Variants in DPP6 observed in about 807,000 individuals in gnomAD.
DPP6 encodes the protein A-type potassium channel modulatory protein DPP6.
DPP6 carries 69 observed loss-of-function variants against 122.6 expected under a neutral mutation model. The ratio of observed to expected loss-of-function variants is 0.56; its 90% confidence interval spans 0.46 to 0.69. The LOEUF (loss-of-function observed/expected upper bound fraction) is 0.69, where lower values mean the gene tolerates loss of function less well. Among genes scored for constraint, DPP6 ranks in the 30% least tolerant of loss-of-function variants. The pLI, the probability that DPP6 is intolerant of heterozygous loss-of-function variation, is 0.00. For missense variants in DPP6, 928 were observed against 1,116.9 expected, an observed-to-expected ratio of 0.83 and a Z score of 2.41; for synonymous variants, 418 against 433.1, an observed-to-expected ratio of 0.97 and a Z score of 0.43.
rs569179268 is a variant in DPP6 at position 154,305,490 on chromosome 7, A to G, written c.244-140724A>G. On this transcript the variant is annotated intron_variant, in intron 1 of 25. Transcript: ENST00000377770. ...CCCCGGTGGTGGGAAGCGCCTGGAC[A>G]GACCATGACCACAGCCAAGGAGCCA... 10 of 1,601,284 alleles carry G rather than the reference A, an allele frequency of 6.2e-6. No homozygotes were observed. In the East Asian group the frequency reaches 2.3e-4, roughly 36 times the overall value.
intron 1 of DPP6, among the ~76,000 whole-genome samples, chr7:154,114,593 T>G (rs941113136): frequency 4.6e-5 from 7 of 152,210 alleles, no homozygotes; most frequent in Non-Finnish European, 1.0e-4. Flanking sequence ...CATTGTCTCA[T>G]GCCTTTAACC....
chr7:154,009,502 G>T (rs1446894795), intron 1 of DPP6, among the ~76,000 whole-genome samples: 2 of 150,786 alleles, frequency 1.3e-5, no homozygotes, highest in African/African-American at 4.9e-5. Context: ...TGGCTCCATG[G>T]GAAGGAACCC....
chr7:153,875,218 C>T, the DPP6 span, among the ~76,000 whole-genome samples: 7 of 151,870 alleles, frequency 4.6e-5, no homozygotes, highest in Admixed American at 1.3e-4. Context: ...TTGTCAAGTG[C>T]GGAATGAAAA....
intron 10 of DPP6, among the ~76,000 whole-genome samples, chr7:154,790,331 C>T (rs777845609): frequency 1.6e-4 from 24 of 152,148 alleles, no homozygotes; most frequent in East Asian, 3.9e-4. Context: ...CAGGGCAAGT[C>T]GGCACAAGGG....
chr7:154,463,753 GA>G (rs199667051), intron 2 of DPP6, among the ~76,000 whole-genome samples: 17,660 of 152,060 alleles, frequency 0.12, 1,265 homozygotes, highest in Admixed American at 0.23. Flanking sequence ...TGTCATCCCA[GA>G]GCTAGGACCT....
intron 5 of DPP6, among the ~76,000 whole-genome samples, chr7:154,584,746 G>T (rs1832322634): frequency 6.6e-6 from 1 of 152,114 alleles, no homozygotes; most frequent in African/African-American, 2.4e-5. Flanking sequence ...GGGCTTTATT[G>T]TTATAAATAT....
In DPP6 at chr7:154,708,657, C is replaced by T. The variant is rs904370679; in HGVS notation, c.763-19110C>T. On this transcript the variant is annotated intron_variant, in intron 7 of 25. Transcript: ENST00000377770. ...AGATGCACACAATAGTATTTTATTACGATAAAAAAACCAAAAGACTGTATG... is the reference window on the plus strand; with the variant it reads ...AGATGCACACAATAGTATTTTATTATGATAAAAAAACCAAAAGACTGTATG... Among the ~76,000 whole-genome samples the T allele has an allele frequency of 1.3e-4, 19 of 151,756 alleles. 1 individual carries two copies. The highest frequency in any genetic ancestry group is 6.2e-4 in the South Asian group (3 of 4,808).
the DPP6 span, among the ~76,000 whole-genome samples, chr7:153,829,854 C>T: frequency 6.6e-6 from 1 of 152,160 alleles, no homozygotes; most frequent in Admixed American, 6.5e-5. Context: ...TTACCTGCAA[C>T]CTTAGGCATA....
rs1805386953 is a variant in DPP6, at chr7:154,097,187, C to T, written c.243+44124C>T. Among the ~76,000 whole-genome samples, 5 of 152,300 alleles carry T rather than the reference C, an allele frequency of 3.3e-5. No individual in the cohort carries two copies. The South Asian group carries it at 1.0e-3, about 32-fold the overall frequency. ...TAGCCTGGGTGTACCTGGAACCAGC[C>T]AATTGCATATCCACAGTCAGGCGGC... On this transcript the variant is annotated intron_variant, in intron 1 of 25. Transcript: ENST00000377770.
At chr7:154,701,131 G>C (rs1840501270) in intron 7 of DPP6, among the ~76,000 whole-genome samples, 1 of 152,134 alleles carries the variant, frequency 6.6e-6, no homozygotes, top group Non-Finnish European at 1.5e-5. Context: ...GATCCTCCTG[G>C]AGTTCCCAGG....
intron 1 of DPP6, among the ~76,000 whole-genome samples, chr7:154,267,524 A>T (rs1186803959): frequency 2.0e-5 from 3 of 149,714 alleles, no homozygotes; most frequent in Non-Finnish European, 4.4e-5. Flanking sequence ...ATACTTATAT[A>T]TGCGTGTACA....
At chr7:154,748,296 A>G (rs969775548) in intron 8 of DPP6, among the ~76,000 whole-genome samples, 2 of 152,196 alleles carry the variant, frequency 1.3e-5, no homozygotes, top group African/African-American at 2.4e-5. Flanking sequence ...AGTAACAGCT[A>G]TAGAATGTCT....
At chr7:154,019,031 T>A (rs938251977) in intron 1 of DPP6, among the ~76,000 whole-genome samples, 2 of 152,184 alleles carry the variant, frequency 1.3e-5, no homozygotes, top group Non-Finnish European at 2.9e-5. Context: ...TTAAAATGAT[T>A]CTACACACAA....
chr7:154,136,372 T>C (rs1470966052), intron 1 of DPP6, among the ~76,000 whole-genome samples: 1 of 152,210 alleles, frequency 6.6e-6, no homozygotes. Context: ...GTATTACAGT[T>C]GGGCTTCCTC....
intron 1 of DPP6, among the ~76,000 whole-genome samples, chr7:153,933,799 T>C (rs1348218638): frequency 6.6e-6 from 1 of 152,178 alleles, no homozygotes; most frequent in African/African-American, 2.4e-5. Flanking sequence ...TCCCTAGCCA[T>C]GTCCTGTGCA....
chr7:154,491,769 C>T (rs942595592), intron 3 of DPP6, among the ~76,000 whole-genome samples: 1 of 152,198 alleles, frequency 6.6e-6, no homozygotes, highest in African/African-American at 2.4e-5. Flanking sequence ...ATCATGCCCC[C>T]AGCATACGAA....
At chr7:153,808,966 C>A in the DPP6 span, among the ~76,000 whole-genome samples, 2 of 151,824 alleles carry the variant, frequency 1.3e-5, no homozygotes, top group African/African-American at 4.9e-5. Context: ...TTTTGTGGAA[C>A]CTCCATACTA....
At chr7:153,937,878 C>T (rs1330689808) in intron 1 of DPP6, among the ~76,000 whole-genome samples, 2 of 152,130 alleles carry the variant, frequency 1.3e-5, no homozygotes, top group Non-Finnish European at 2.9e-5. Flanking sequence ...CACTGCATCA[C>T]GTGAAGCAAG....
the DPP6 span, among the ~76,000 whole-genome samples, chr7:153,789,150 G>A: frequency 6.6e-6 from 1 of 152,062 alleles, no homozygotes; most frequent in African/African-American, 2.4e-5. Flanking sequence ...ATGATGTTGT[G>A]TCCAAAATTT....
Sources: gnomAD v4.1 joint callset for allele counts (sites outside exome capture counted in the v4.1 genomes callset) on GRCh38, gnomAD v4.1.1 for gene constraint, MANE v1.5 for transcripts, NCBI Gene and HGNC (gene_info 2026-07-23, HGNC 2026-07-21) for gene names.